Variants in PCSK1 observed in about 807,000 individuals in gnomAD.
PCSK1 encodes neuroendocrine convertase 1.
A neutral mutation model predicts 90.6 loss-of-function variants in PCSK1; 56 were observed. The observed-to-expected ratio is 0.62, with a 90% CI of 0.50 to 0.77. The LOEUF (loss-of-function observed/expected upper bound fraction) is 0.77, where lower values mean the gene tolerates loss of function less well. Ranked by LOEUF, PCSK1 falls within the 30% of genes least tolerant of loss-of-function variation. The probability of loss-of-function intolerance (pLI) is 0.00; values close to 1 mark genes in which losing one functional copy is unlikely to be tolerated. For missense variants in PCSK1, 801 were observed against 932.6 expected (o/e 0.86, Z 1.84); for synonymous variants, 348 against 342.4 (o/e 1.02, Z -0.18).
rs58353685 is a variant in PCSK1, at chr5:96,431,004, A to T, written c.181-1687T>A. 8.6e-3 allele frequency among the ~76,000 whole-genome samples: 1,309 copies of T among 152,222 alleles called. 21 individuals carry two copies. The highest frequency in any genetic ancestry group is 0.03 in the African/African-American group (1,261 of 41,532). ...CTAACAGGTGGGAAAAAGAAGAGAG[A>T]TTTAGTTTTTGCTGTCTTCCCCAGT... On this transcript the variant is annotated intron_variant, in intron 1 of 13. Transcript: ENST00000311106.
chr5:96,432,611 G>A (rs576162097), intron 1 of PCSK1, among the ~76,000 whole-genome samples: 2 of 152,294 alleles, frequency 1.3e-5, no homozygotes, highest in East Asian at 3.9e-4. Context: ...TTCTAGAGCG[G>A]CCAACAGTAA....
intron 10 of PCSK1, among the ~76,000 whole-genome samples, chr5:96,399,656 G>C (rs1760284072): frequency 6.6e-6 from 1 of 152,152 alleles, no homozygotes; most frequent in African/African-American, 2.4e-5. Context: ...AATTTAGAAT[G>C]AATCTTAAAA....
chr5:96,399,322 T>C (rs1320769646), intron 10 of PCSK1, among the ~76,000 whole-genome samples: 1 of 152,190 alleles, frequency 6.6e-6, no homozygotes, highest in Non-Finnish European at 1.5e-5. Context: ...AATGATTTTA[T>C]CTAGAAGGCC....
chr5:96,422,232 G>C (rs1277133347), intron 4 of PCSK1, among the ~76,000 whole-genome samples: 1 of 152,064 alleles, frequency 6.6e-6, no homozygotes, highest in Non-Finnish European at 1.5e-5. Flanking sequence ...ATTGGAGTTG[G>C]AAGGAATTAG....
intron 5 of PCSK1, among the ~76,000 whole-genome samples, chr5:96,420,900 A>G (rs930847852): frequency 2.6e-5 from 4 of 152,102 alleles, no homozygotes; most frequent in African/African-American, 9.7e-5. Context: ...TGTGACATAT[A>G]CCAAGAGCTG....
Position 96,391,809 on chromosome 5 carries a change from C to G in PCSK1, c.*1192G>C, listed in dbSNP as rs750163429. On this transcript the variant is annotated 3_prime_UTR_variant, in exon 14 of 14. Transcript: ENST00000311106. ...ATGTGAAACATCATATTTTCAATAA[C>G]CACTCATATTTTAAAAACATTCTGC... is the stretch of plus-strand genomic sequence containing the variant. 2.0e-5 allele frequency: 3 copies of G among 152,142 alleles called. No individual in the cohort carries two copies. Among genetic ancestry groups the G allele is most frequent in the Non-Finnish European group, 2.9e-5 (2 of 68,036 alleles). The allele number at this position is 152,142 out of a possible 1,614,324, so 9.4% of individuals were successfully genotyped here. A position where few individuals can be genotyped will look rare whatever the true frequency, so the allele number is the denominator to read the frequency against.
At position 96,401,086 on chromosome 5, in the gene PCSK1, CAAAAAAAAAA is replaced by C. The variant is rs35928091; in HGVS notation, c.1197-910_1197-901del. 1.2e-3 allele frequency among the ~76,000 whole-genome samples: 82 copies of C among 70,574 alleles called. 1 individual carries two copies. The highest frequency in any genetic ancestry group is 1.5e-3 in the Admixed American group (7 of 4,692). 46.3% of individuals were successfully genotyped at this position (70,574 alleles called of 152,430 possible). On this transcript the variant is annotated intron_variant, in intron 9 of 13. Transcript: ENST00000311106. ...TGGGCTAAAGAGCGGGACTCCGTCT[CAAAAAAAAAA>C]AAAAAAAAAAAAAAAAGAAGTTTAC...
At position 96,390,545 on chromosome 5, in the gene PCSK1, A is replaced by G. The variant is rs1354627263; in HGVS notation, c.*2456T>C. The G allele has an allele frequency of 6.6e-6, 1 of 152,634 alleles. No homozygotes were observed. Among genetic ancestry groups the G allele is most frequent in the Non-Finnish European group, 1.5e-5 (1 of 68,036 alleles). 9.5% of individuals were successfully genotyped at this position (152,634 alleles called of 1,614,324 possible). On this transcript the variant is annotated 3_prime_UTR_variant, in exon 14 of 14. Transcript: ENST00000311106. ...TCACTTTTAATATCACAACACATAC[A>G]TGTACTTTTTTTCATTGACAGAGGA...
At chr5:96,404,980 G>A (rs1760506519) in intron 9 of PCSK1, among the ~76,000 whole-genome samples, 1 of 152,160 alleles carries the variant, frequency 6.6e-6, no homozygotes, top group African/African-American at 2.4e-5. Flanking sequence ...AGTCTCCATA[G>A]TTGTTCCTGT....
At position 96,421,911 on chromosome 5, in the gene PCSK1, A is replaced by G; in HGVS notation, c.589T>C (p.Phe197Leu). Residue 197 changes from phenylalanine to leucine, a missense_variant, in exon 5 of 14, where the codon TTT becomes CTT. Coordinates refer to ENST00000311106, the MANE Select transcript of PCSK1 (RefSeq NM_000439.5). ...YDFNDNDHDP[F>L]PRYDPTNENK... Reference sequence around the variant, plus strand: ...TCGTTTGTGGGATCATATCGGGGAAATGGATCATGGTCATTATCATTAAAA... The same window carrying G: ...TCGTTTGTGGGATCATATCGGGGAAGTGGATCATGGTCATTATCATTAAAA... 1 of 1,590,574 alleles carries G rather than the reference A, an allele frequency of 6.3e-7. No individual in the cohort carries two copies. The highest frequency in any genetic ancestry group is 1.1e-5 in the South Asian group (1 of 90,554).
Position 96,433,006 on chromosome 5 carries a change from A to G in PCSK1, c.37T>C (p.Phe13Leu), listed in dbSNP as rs748979266. 1.9e-6 allele frequency: 3 copies of G among 1,614,224 alleles called. No individual in the cohort carries two copies. In the South Asian group the frequency reaches 3.3e-5, roughly 18 times the overall value. The change falls in exon 1 of 14, where the codon TTC (phenylalanine) becomes CTC (leucine). Residue 13 changes from phenylalanine (F) to leucine (L), a missense_variant. Transcript: ENST00000311106. The part of the protein sequence containing the change: ...RRAWSLQCTA[F>L]VLFCAWCALN... Reference sequence around the variant, plus strand: ...GCACACCAAGCGCAAAAGAGGACGAAAGCAGTGCACTGCAGACTCCAGGCT... The same window carrying G: ...GCACACCAAGCGCAAAAGAGGACGAGAGCAGTGCACTGCAGACTCCAGGCT...
Position 96,421,993 on chromosome 5 carries a change from TAAA to T in PCSK1, c.544-40_544-38del, listed in dbSNP as rs11317408. The T allele has an allele frequency of 0.052, 18,137 of 346,502 alleles. 13 individuals carry two copies. The highest frequency in any genetic ancestry group is 0.08 in the East Asian group (1,324 of 16,562). 21.5% of individuals were successfully genotyped at this position (346,502 alleles called of 1,614,324 possible). On this transcript the variant is annotated intron_variant, in intron 4 of 13. Coordinates refer to ENST00000311106, the MANE Select transcript of PCSK1 (RefSeq NM_000439.5). ...ACAAAATATAACACTGTGGCAGCAT[TAAA>T]AAAAAAAAAAAAAAAAAAAAAAAGC...
chr5:96,394,800 T>C (rs1408350488), intron 13 of PCSK1, 64 bp downstream of exon 13: 1 of 1,498,216 alleles, frequency 6.7e-7, no homozygotes, highest in East Asian at 2.3e-5. Context: ...TGGGTACAGC[T>C]TCACTGACTA....
At chr5:96,415,202 G>C (rs1424460452) in intron 6 of PCSK1, among the ~76,000 whole-genome samples, 2 of 152,106 alleles carry the variant, frequency 1.3e-5, no homozygotes, top group African/African-American at 2.4e-5. Flanking sequence ...TGCATCAATG[G>C]GCTCTGTCTT....
chr5:96,404,755 G>C (rs1037719767), intron 9 of PCSK1, among the ~76,000 whole-genome samples: 1 of 152,154 alleles, frequency 6.6e-6, no homozygotes, highest in Non-Finnish European at 1.5e-5. Flanking sequence ...ACTTGAGTTT[G>C]AATTTCTTTG....
rs11317408 is a variant in PCSK1, at chr5:96,421,993, T to TAAA, written c.544-40_544-38dup. 1.0e-3 allele frequency: 373 copies of TAAA among 358,354 alleles called. 21 individuals carry two copies. In the African/African-American group the frequency reaches 0.014, roughly 14 times the overall value. 22.2% of individuals were successfully genotyped at this position (358,354 alleles called of 1,614,324 possible). ...ACAAAATATAACACTGTGGCAGCAT[T>TAAA]AAAAAAAAAAAAAAAAAAAAAAAAA... On this transcript the variant is annotated intron_variant, in intron 4 of 13. Coordinates refer to ENST00000311106, the MANE Select transcript of PCSK1 (RefSeq NM_000439.5).
chr5:96,422,895 A>AG (rs3838652), intron 4 of PCSK1, among the ~76,000 whole-genome samples: 7,016 of 149,644 alleles, frequency 0.047, 236 homozygotes, highest in East Asian at 0.2. Context: ...TTTGCATGGA[A>AG]GGAATCACAT....
chr5:96,413,056 C>T (rs996174112), intron 6 of PCSK1: 2 of 589,074 alleles, frequency 3.4e-6, no homozygotes, highest in Non-Finnish European at 4.3e-6. Flanking sequence ...GATCTAGTCA[C>T]AACAGGAAAC....
chr5:96,408,166 T>A, intron 9 of PCSK1, 57 bp downstream of exon 9: 2 of 1,255,032 alleles, frequency 1.6e-6, no homozygotes, highest in East Asian at 2.4e-5. Context: ...AAAAGTGTTA[T>A]TAAAAATAAG....
Sources: allele counts gnomAD v4.1 joint callset (sites outside exome capture counted in the v4.1 genomes callset), GRCh38; gene constraint gnomAD v4.1.1; transcripts MANE v1.5; gene names NCBI Gene and HGNC (gene_info 2026-07-23, HGNC 2026-07-21).